Variants in TAF9B observed in about 807,000 individuals in gnomAD.
TAF9B encodes the protein transcription initiation factor TFIID subunit 9B.
A neutral mutation model predicts 17.6 loss-of-function variants in TAF9B; 47 were observed. That is an observed-to-expected ratio of 2.68 (90% confidence interval 2.12 to 3.41). TAF9B has a LOEUF of 3.41. Ranked by LOEUF, TAF9B falls within the 30% of genes most tolerant of loss-of-function variation. The pLI is 0.00. For missense variants in TAF9B, 218 were observed against 189.3 expected (o/e 1.15, Z -0.89); for synonymous variants, 84 against 68.7 (o/e 1.22, Z -1.10).
intron 5 of TAF9B, among the ~76,000 whole-genome samples, chrX:78,134,186 G>A (rs1603399730): frequency 9.0e-6 from 1 of 111,025 alleles, no homozygotes; most frequent in Non-Finnish European, 1.9e-5. Flanking sequence ...ATACTACCCC[G>A]TTTTATAAAA....
In TAF9B at chrX:78,133,401, A is replaced by T. The variant is rs782804390; in HGVS notation, c.529T>A (p.Ser177Thr). The T allele has an allele frequency of 1.8e-5, 22 of 1,211,610 alleles. No individual in the cohort carries two copies. The East Asian group carries it at 6.5e-4, about 36-fold the overall frequency. ...ACCGTAAATCTTTGGCTTGTCACTG[A>T]CATTGGAGTTGCAACTTTATTTGGG... ...SVPNKVATPMSVTSQRFTVQI... is the reference protein window; with the variant it reads ...SVPNKVATPMTVTSQRFTVQI... The change falls in exon 6 of 7, where the codon TCA becomes ACA. Residue 177 changes from serine (S) to threonine (T), a missense_variant. Transcript: ENST00000341864.
intron 5 of TAF9B, among the ~76,000 whole-genome samples, 194 bp downstream of exon 5, chrX:78,136,721 G>A (rs1039146541): frequency 1.3e-4 from 15 of 112,148 alleles, no homozygotes; most frequent in Middle Eastern, 4.2e-3. Context: ...GAGATCAGAC[G>A]TTCCTTGTGG....
rs1266822267 is a variant in TAF9B at position 78,129,827 on chromosome X, T to C, written c.*1783A>G. 1 of 111,972 alleles carries C rather than the reference T, an allele frequency of 8.9e-6. No individual in the cohort carries two copies. Among genetic ancestry groups the C allele is most frequent in the Non-Finnish European group, 1.9e-5 (1 of 53,210 alleles). The allele number at this position is 111,972 out of a possible 1,213,427, so 9.2% of individuals were successfully genotyped here. The stretch of plus-strand genomic sequence containing the variant: ...ATAGCATTTTACAATTCTGAAAGAA[T>C]TTTCACATATACCAATTGAACCCTC... On this transcript the variant is annotated 3_prime_UTR_variant, in exon 7 of 7. Transcript: ENST00000341864.
At position 78,137,886 on chromosome X, in the gene TAF9B, T is replaced by TAAA; in HGVS notation, c.271-6_271-4dup. 8.7e-7 allele frequency: 1 copy of TAAA among 1,147,334 alleles called. No homozygotes were observed. The allele number at this position is 1,147,334 out of a possible 1,213,427, so 94.6% of individuals were successfully genotyped here. A position where few individuals can be genotyped will look rare whatever the true frequency, so the allele number is the denominator to read the frequency against. ...TGCCTTGCGATATCCAGTAAAAACTTAAAAAAAAAATCCTTATTAGAACTA... is the reference window on the plus strand; with the variant it reads ...TGCCTTGCGATATCCAGTAAAAACTTAAAAAAAAAAAAATCCTTATTAGAACTA... On this transcript the variant is annotated splice_polypyrimidine_tract_variant and splice_region_variant and intron_variant, in intron 3 of 6. Transcript: ENST00000341864.
chrX:78,134,584 C>G lies in TAF9B; in HGVS notation c.482-1136G>C, dbSNP rs1423925516. On this transcript the variant is annotated intron_variant, in intron 5 of 6. Coordinates refer to ENST00000341864, the MANE Select transcript of TAF9B (RefSeq NM_015975.5). ...CTGCAATTATCATCATTTCTAGAGACAAAGGTGAAGAAAGTCTAAGGGAAT... is the reference window on the plus strand; with the variant it reads ...CTGCAATTATCATCATTTCTAGAGAGAAAGGTGAAGAAAGTCTAAGGGAAT... 2.7e-5 allele frequency among the ~76,000 whole-genome samples: 3 copies of G among 111,188 alleles called. No homozygotes were observed. In the East Asian group the frequency reaches 8.5e-4, roughly 31 times the overall value.
At chrX:78,133,898 G>T (rs1452962764) in intron 5 of TAF9B, among the ~76,000 whole-genome samples, 3 of 111,502 alleles carry the variant, frequency 2.7e-5, no homozygotes, top group Admixed American at 1.9e-4. Context: ...ACATAAAGAT[G>T]AGAGTTTAAC....
In TAF9B at chrX:78,136,925, A is replaced by G; in HGVS notation, c.471T>C (p.Thr157=). The stretch of plus-strand genomic sequence containing the variant: ...TCTCCTCTCACTTACCTATAGTAGG[A>G]GTAGTAGGTTTGCTACTAACAGCAC... ...SVGAVSSKPT[T]PTIATPQTVS... is the part of the protein sequence containing the mutation. The change falls in exon 5 of 7, where the codon ACT becomes ACC. Residue 157 remains threonine, a synonymous_variant. Coordinates refer to ENST00000341864, the MANE Select transcript of TAF9B (RefSeq NM_015975.5). The G allele has an allele frequency of 8.3e-7, 1 of 1,200,040 alleles. No homozygotes were observed. Among genetic ancestry groups the G allele is most frequent in the Non-Finnish European group, 1.1e-6 (1 of 885,364 alleles).
intron 5 of TAF9B, 24 bp from the exon 6 acceptor site, chrX:78,133,472 T>G: frequency 9.0e-7 from 1 of 1,106,557 alleles, no homozygotes; most frequent in Non-Finnish European, 1.2e-6. Context: ...AAACAGACCA[T>G]GTTTGTTAGG....
At chrX:78,135,646 A>G (rs2078431424) in intron 5 of TAF9B, among the ~76,000 whole-genome samples, 1 of 111,568 alleles carries the variant, frequency 9.0e-6, no homozygotes, top group Non-Finnish European at 1.9e-5. Flanking sequence ...CTTTAAAACT[A>G]TCAGGCGTTT....
At chrX:78,138,961 G>A in intron 1 of TAF9B, 37 bp from the exon 2 acceptor site, 4 of 1,047,220 alleles carry the variant, frequency 3.8e-6, no homozygotes, top group Non-Finnish European at 5.3e-6. Context: ...TGCAGAATTT[G>A]GTACTGGAAA....
At chrX:78,139,538 C>T in intron 1 of TAF9B, 23 bp downstream of exon 1, 1 of 1,211,190 alleles carries the variant, frequency 8.3e-7, no homozygotes, top group Non-Finnish European at 1.1e-6. Flanking sequence ...CTTCGCGATC[C>T]GCGGCTTATC....
In TAF9B at chrX:78,137,903, T is replaced by TTCC. The variant is rs1361678680; in HGVS notation, c.271-21_271-20insGGA. ...TAAAAACTTAAAAAAAAAATCCTTA[T>TTCC]TAGAACTACAGTTTTAAAAATTGTA... is the stretch of plus-strand genomic sequence containing the variant. On this transcript the variant is annotated intron_variant, in intron 3 of 6. Transcript: ENST00000341864. 8.4e-7 allele frequency: 1 copy of TTCC among 1,196,216 alleles called. No individual in the cohort carries two copies. Among genetic ancestry groups the TTCC allele is most frequent in the African/African-American group, 1.8e-5 (1 of 56,079 alleles).
chrX:78,138,238 G>A (rs1234370910), intron 2 of TAF9B, 140 bp from the exon 3 acceptor site: 3 of 681,268 alleles, frequency 4.4e-6, no homozygotes, highest in Non-Finnish European at 6.5e-6. Context: ...GTCTCGCTAT[G>A]TTGCCCAGGA....
intron 6 of TAF9B, among the ~76,000 whole-genome samples, chrX:78,132,610 CTG>C (rs201863850): frequency 0.28 from 27,130 of 95,494 alleles, 3,498 homozygotes; most frequent in East Asian, 0.47. Flanking sequence ...TTATTCCAAT[CTG>C]TGTGTGTGTG....
intron 5 of TAF9B, among the ~76,000 whole-genome samples, chrX:78,135,222 G>C (rs1241106781): frequency 4.8e-5 from 5 of 103,159 alleles, no homozygotes; most frequent in African/African-American, 1.8e-4. Flanking sequence ...CAAAGTGCTA[G>C]GATTACAGGT....
At chrX:78,136,363 G>A (rs1447291369) in intron 5 of TAF9B, among the ~76,000 whole-genome samples, 4 of 112,131 alleles carry the variant, frequency 3.6e-5, no homozygotes, top group African/African-American at 1.3e-4. Context: ...CAGAAAGCAA[G>A]AAATGATCAC....
chrX:78,133,206 AC>A, intron 6 of TAF9B, 131 bp downstream of exon 6: 2 of 495,711 alleles, frequency 4.0e-6, no homozygotes, highest in Non-Finnish European at 6.9e-6. Flanking sequence ...CCTCTGAAGA[AC>A]CCTCATTTGC....
chrX:78,136,057 C>A (rs948627550), intron 5 of TAF9B, among the ~76,000 whole-genome samples: 4 of 110,745 alleles, frequency 3.6e-5, no homozygotes, highest in African/African-American at 6.6e-5. Flanking sequence ...CTATAGGACT[C>A]AAGTTATAAG....
rs782352482 is a variant in TAF9B, at chrX:78,130,015, T to C, written c.*1595A>G. ...TGCCTCCCTGAGAACATTCAAGTAATAATATCCTATGCTATATAATGAATA... is the reference window on the plus strand; with the variant it reads ...TGCCTCCCTGAGAACATTCAAGTAACAATATCCTATGCTATATAATGAATA... On this transcript the variant is annotated 3_prime_UTR_variant, in exon 7 of 7. Transcript: ENST00000341864. 2.7e-5 allele frequency: 3 copies of C among 112,129 alleles called. No homozygotes were observed. Among genetic ancestry groups the C allele is most frequent in the South Asian group, 3.7e-4 (1 of 2,702 alleles). 9.2% of individuals were successfully genotyped at this position (112,129 alleles called of 1,213,427 possible).
Sources: gnomAD v4.1 joint callset for allele counts (sites outside exome capture counted in the v4.1 genomes callset) on GRCh38, gnomAD v4.1.1 for gene constraint, MANE v1.5 for transcripts, NCBI Gene and HGNC (gene_info 2026-07-23, HGNC 2026-07-21) for gene names.